The following NRIP1 variants were observed in gnomAD, a reference collection of about 807,000 sequenced individuals.
NRIP1 encodes nuclear receptor-interacting protein 1.
Under a neutral mutation model 75.0 loss-of-function variants are expected in NRIP1, and 28 were observed. The observed-to-expected ratio is 0.37, with a 90% CI of 0.28 to 0.51. NRIP1 has a LOEUF of 0.51. Ranked by LOEUF, NRIP1 falls within the 20% of genes least tolerant of loss-of-function variation. The pLI, the probability that NRIP1 is intolerant of heterozygous loss-of-function variation, is 0.92. For synonymous variants in NRIP1, 526 were observed against 487.6 expected (o/e 1.08, Z -1.04); for missense variants, 1,435 against 1,343.7 (o/e 1.07, Z -1.06).
rs1003337883 is a variant in NRIP1, at chr21:14,988,583, A to C, written c.-334-20057T>G. On this transcript the variant is annotated intron_variant, in intron 3 of 3. Transcript: ENST00000318948. ...TTTGGATCTGTAAAATAATTTAATA[A>C]TCTAGGTAATTAATTCTTTCACTCA... 2.0e-5 allele frequency among the ~76,000 whole-genome samples: 3 copies of C among 152,026 alleles called. No individual in the cohort carries two copies. In the East Asian group the frequency reaches 5.8e-4, roughly 29 times the overall value.
chr21:15,057,852 T>TA (rs2089339713), intron 1 of NRIP1, among the ~76,000 whole-genome samples: 1 of 152,166 alleles, frequency 6.6e-6, no homozygotes, highest in African/African-American at 2.4e-5. Flanking sequence ...AAAATGTGTG[T>TA]AAAGCTTCCA....
intron 2 of NRIP1, among the ~76,000 whole-genome samples, chr21:15,015,276 C>T (rs1189322194): frequency 6.6e-6 from 1 of 151,896 alleles, no homozygotes; most frequent in Non-Finnish European, 1.5e-5. Context: ...TGAAGGATGC[C>T]CAAGGGAGGG....
intron 2 of NRIP1, among the ~76,000 whole-genome samples, chr21:15,039,873 T>C (rs1600912390): frequency 6.6e-6 from 1 of 152,132 alleles, no homozygotes; most frequent in Non-Finnish European, 1.5e-5. Context: ...AAACACTGGC[T>C]AATTGATTTA....
At chr21:14,988,454 TAGAC>T (rs3075988) in intron 3 of NRIP1, among the ~76,000 whole-genome samples, 1 of 122,518 alleles carries the variant, frequency 8.2e-6, no homozygotes, top group African/African-American at 3.0e-5. Context: ...GATAGATAGA[TAGAC>T]AGACAGATAG....
In NRIP1 at chr21:14,967,556, C is replaced by A. The variant is rs979133059; in HGVS notation, c.637G>T (p.Asp213Tyr). Residue 213 changes from aspartate (D) to tyrosine (Y), a missense_variant, in exon 4 of 4, where the codon GAT (aspartate) becomes TAT (tyrosine). Coordinates refer to ENST00000318948, the MANE Select transcript of NRIP1 (RefSeq NM_003489.4). ...TGATGAGGAGACTCTGCAAACCTAT[C>A]TCTGATGAGGTTTTTAGTCACATCA... ...LPDVTKNLIR[D>Y]RFAESPHHVG... The A allele has an allele frequency of 6.2e-7, 1 of 1,614,150 alleles. No individual in the cohort carries two copies. The highest frequency in any genetic ancestry group is 8.5e-7 in the Non-Finnish European group (1 of 1,180,012).
At chr21:14,989,914 T>A (rs1191552315) in intron 3 of NRIP1, among the ~76,000 whole-genome samples, 1 of 151,884 alleles carries the variant, frequency 6.6e-6, no homozygotes, top group Non-Finnish European at 1.5e-5. Context: ...CATTTTCACA[T>A]GAAAATGAAA....
At chr21:14,985,385 A>G (rs2087368079) in intron 3 of NRIP1, among the ~76,000 whole-genome samples, 1 of 152,216 alleles carries the variant, frequency 6.6e-6, no homozygotes, top group African/African-American at 2.4e-5. Context: ...ATTAAAGAAT[A>G]AAAAAGTATT....
intron 2 of NRIP1, among the ~76,000 whole-genome samples, chr21:15,019,953 C>T (rs2088332183): frequency 6.6e-6 from 1 of 152,066 alleles, no homozygotes; most frequent in African/African-American, 2.4e-5. Context: ...AACATGTGCA[C>T]TCAAAACTAC....
Position 14,966,581 on chromosome 21 carries a change from A to G in NRIP1, c.1612T>C (p.Ser538Pro). 1 of 1,614,040 alleles carries G rather than the reference A, an allele frequency of 6.2e-7. No homozygotes were observed. Among genetic ancestry groups the G allele is most frequent in the South Asian group, 1.1e-5 (1 of 91,076 alleles). Reference protein sequence around the residue: ...KFNTQNYARTSVIESPSTNRT... With the variant: ...KFNTQNYARTPVIESPSTNRT... ...TTTGTACTGGGGCTTTCTATCACAG[A>G]AGTCCTTGCATAATTTTGTGTATTG... Residue 538 changes from serine to proline, a missense_variant, in exon 4 of 4, where the codon TCT becomes CCT. By Grantham distance (74) the Ser-to-Pro change is moderately conservative. Coordinates refer to ENST00000318948, the MANE Select transcript of NRIP1 (RefSeq NM_003489.4).
intron 1 of NRIP1, chr21:15,050,475 T>C (rs935060211): frequency 1.5e-5 from 5 of 324,056 alleles, no homozygotes; most frequent in African/African-American, 8.7e-5. Flanking sequence ...TCAGAATATG[T>C]TGGAGCCAAT....
Position 14,966,505 on chromosome 21 carries a change from C to T in NRIP1, c.1688G>A (p.Gly563Glu), listed in dbSNP as rs773401583. ...GTGTTGAGAGAGATTGATGGGAGACCCTGCTTTGCTTGATGTAAGTAAAGG... is the reference window on the plus strand; with the variant it reads ...GTGTTGAGAGAGATTGATGGGAGACTCTGCTTTGCTTGATGTAAGTAAAGG... Reference protein sequence around the residue: ...TPPLLTSSKAGSPINLSQHSL... With the variant: ...TPPLLTSSKAESPINLSQHSL... The change falls in exon 4 of 4, where the codon GGG (glycine) becomes GAG (glutamate). Residue 563 changes from glycine (G) to glutamate (E), a missense_variant. Coordinates refer to ENST00000318948, the MANE Select transcript of NRIP1 (RefSeq NM_003489.4). The T allele has an allele frequency of 3.7e-6, 6 of 1,613,834 alleles. No homozygotes were observed. Among genetic ancestry groups the T allele is most frequent in the South Asian group, 3.3e-5 (3 of 91,074 alleles).
chr21:15,053,720 A>G (rs990270286), intron 1 of NRIP1, among the ~76,000 whole-genome samples: 3 of 152,194 alleles, frequency 2.0e-5, no homozygotes, highest in Non-Finnish European at 2.9e-5. Context: ...TTTACTTCAT[A>G]TATTAGTCCA....
At chr21:14,972,991 G>C (rs1479871753) in intron 3 of NRIP1, among the ~76,000 whole-genome samples, 1 of 152,148 alleles carries the variant, frequency 6.6e-6, no homozygotes, top group East Asian at 1.9e-4. Flanking sequence ...TCAGAGAATT[G>C]CAATTAATGT....
In NRIP1 at chr21:14,967,097, G is replaced by A; in HGVS notation, c.1096C>T (p.Leu366=). The change falls in exon 4 of 4, where the codon CTG becomes TTG. Residue 366 remains leucine, a synonymous_variant. Transcript: ENST00000318948. ...SPKNAGYKNS[L]ERNNIKQAAN... is the part of the protein sequence containing the mutation. ...GCTTGTTTTATATTGTTTCTTTCCA[G>A]TGAGTTCTTATAACCTGCATTTTTA... is the stretch of plus-strand genomic sequence containing the variant. 3.1e-6 allele frequency: 5 copies of A among 1,614,082 alleles called. No individual in the cohort carries two copies. Among genetic ancestry groups the A allele is most frequent in the Non-Finnish European group, 4.2e-6 (5 of 1,179,990 alleles).
chr21:15,031,958 C>T (rs1274399611), intron 2 of NRIP1, among the ~76,000 whole-genome samples: 1 of 151,736 alleles, frequency 6.6e-6, no homozygotes, highest in Non-Finnish European at 1.5e-5. Context: ...ACACCACATT[C>T]CCTTTCTATG....
rs17000680 is a variant in NRIP1, at chr21:15,023,303, G to A, written c.-457-8837C>T. Among the ~76,000 whole-genome samples, 943 of 152,266 alleles carry A rather than the reference G, an allele frequency of 6.2e-3. 7 individuals are homozygous for A. Among genetic ancestry groups the A allele is most frequent in the African/African-American group, 0.021 (885 of 41,554 alleles). ...AAAGTAATTTCAGGGTAAAAACCTAGATCTCTAATCTTACTTGTGTGCTTT... is the reference window on the plus strand; with the variant it reads ...AAAGTAATTTCAGGGTAAAAACCTAAATCTCTAATCTTACTTGTGTGCTTT... On this transcript the variant is annotated intron_variant, in intron 2 of 3. Coordinates refer to ENST00000318948, the MANE Select transcript of NRIP1 (RefSeq NM_003489.4).
chr21:15,038,850 C>G (rs138035328), intron 2 of NRIP1, among the ~76,000 whole-genome samples: 94 of 152,214 alleles, frequency 6.2e-4, no homozygotes, highest in African/African-American at 2.1e-3. Context: ...GGTATGTCCT[C>G]CTTCTAGATG....
rs74321345 is a variant in NRIP1, at chr21:14,987,322, G to A, written c.-334-18796C>T. Among the ~76,000 whole-genome samples, 2,618 of 152,226 alleles carry A rather than the reference G, an allele frequency of 0.017. 244 individuals carry two copies. The East Asian group carries it at 0.28, about 16-fold the overall frequency. ...TCGCTGCTCAGTAAGAGTTCCTTGC[G>A]TAACTCCAACAGTATGAAATTCTGC... On this transcript the variant is annotated intron_variant, in intron 3 of 3. Transcript: ENST00000318948.
intron 1 of NRIP1, among the ~76,000 whole-genome samples, chr21:15,060,417 T>C (rs62221393): frequency 0.16 from 24,243 of 152,098 alleles, 2,379 homozygotes; most frequent in East Asian, 0.23. Flanking sequence ...GTAATGTGCT[T>C]AAATAAAGCA....
Sources: gnomAD v4.1 joint callset for allele counts (sites outside exome capture counted in the v4.1 genomes callset) on GRCh38, gnomAD v4.1.1 for gene constraint, MANE v1.5 for transcripts, NCBI Gene and HGNC (gene_info 2026-07-23, HGNC 2026-07-21) for gene names.